Variants in WDHD1 observed in about 807,000 individuals in gnomAD.
WDHD1 encodes WD repeat and HMG-box DNA-binding protein 1.
WDHD1 carries 111 observed loss-of-function variants against 135.4 expected under a neutral mutation model. The ratio of observed to expected loss-of-function variants is 0.82; its 90% CI spans 0.70 to 0.96. The LOEUF is 0.96. WDHD1 is among the 40% of genes least tolerant of loss of function. The probability of loss-of-function intolerance (pLI) is 0.00; values close to 1 mark genes in which losing one functional copy is unlikely to be tolerated. For synonymous variants in WDHD1, 434 were observed against 439.0 expected (o/e 0.99, Z 0.14); for missense variants, 1,351 against 1,336.3 (o/e 1.01, Z -0.17).
chr14:54,951,514 C>T (rs947102201), intron 24 of WDHD1, among the ~76,000 whole-genome samples: 8 of 152,128 alleles, frequency 5.3e-5, no homozygotes, highest in African/African-American at 1.9e-4. Context: ...TAATAGCCTA[C>T]CAACCAAATA....
chr14:55,014,059 TATAAA>T (rs1238467209), intron 2 of WDHD1, among the ~76,000 whole-genome samples: 3 of 152,252 alleles, frequency 2.0e-5, no homozygotes, highest in African/African-American at 4.8e-5. Context: ...AATTTCCTTC[TATAAA>T]ATAAAAGATG....
Position 54,949,777 on chromosome 14 carries a change from A to G in WDHD1, c.3051-5307T>C, listed in dbSNP as rs553387872. Among the ~76,000 whole-genome samples, 434 of 152,388 alleles carry G rather than the reference A, an allele frequency of 2.8e-3. 1 individual carries two copies. The highest frequency in any genetic ancestry group is 9.7e-3 in the African/African-American group (402 of 41,594). Reference sequence around the variant, plus strand: ...GGTTACCCACAAAGGGAAGCCCATCAGACTAACAGCTGATCTCTCGGCAGA... The same window carrying G: ...GGTTACCCACAAAGGGAAGCCCATCGGACTAACAGCTGATCTCTCGGCAGA... On this transcript the variant is annotated intron_variant, in intron 24 of 25. Transcript: ENST00000360586.
chr14:55,024,663 G>A (rs1199751364), intron 2 of WDHD1, among the ~76,000 whole-genome samples: 1 of 150,286 alleles, frequency 6.7e-6, no homozygotes, highest in Non-Finnish European at 1.5e-5. Context: ...TTGAGATTCT[G>A]TTAATCTATA....
At chr14:54,987,505 C>G in intron 13 of WDHD1, 118 bp from the exon 14 acceptor site, 1 of 843,110 alleles carries the variant, frequency 1.2e-6, no homozygotes, top group Non-Finnish European at 1.7e-6. Context: ...CTATTATACA[C>G]TAGTATAAGA....
chr14:55,008,541 G>A, intron 5 of WDHD1, 67 bp downstream of exon 5: 1 of 1,492,238 alleles, frequency 6.7e-7, no homozygotes, highest in Non-Finnish European at 9.1e-7. Context: ...TTTTTAGAGA[G>A]TTAGTAGGAA....
At position 54,978,979 on chromosome 14, in the gene WDHD1, TTTC is replaced by T. The variant is rs1442142191; in HGVS notation, c.2063+2558_2063+2560del. Among the ~76,000 whole-genome samples the T allele has an allele frequency of 3.9e-5, 6 of 152,348 alleles. No homozygotes were observed. In the South Asian group the frequency reaches 1.2e-3, roughly 32 times the overall value. ...GGTGATCTAAAAGCTACTACTTTTT[TTTC>T]TTTTTTCATTCCTTTCATTGGCTCC... On this transcript the variant is annotated intron_variant, in intron 16 of 25. Coordinates refer to ENST00000360586, the MANE Select transcript of WDHD1 (RefSeq NM_007086.4).
intron 24 of WDHD1, 116 bp from the exon 25 acceptor site, chr14:54,944,586 A>C: frequency 1.0e-6 from 1 of 1,000,266 alleles, no homozygotes; most frequent in Non-Finnish European, 1.4e-6. Flanking sequence ...AAAGTAAGGA[A>C]GACACAGTTA....
At chr14:55,008,216 T>A in intron 6 of WDHD1, 100 bp downstream of exon 6, 3 of 1,194,426 alleles carry the variant, frequency 2.5e-6, no homozygotes, top group Non-Finnish European at 3.6e-6. Context: ...AGAAACAAAT[T>A]CCAAAGAAAA....
chr14:54,989,031 G>A lies in WDHD1; in HGVS notation c.1523C>T (p.Ala508Val), dbSNP rs1356906290. 1.2e-6 allele frequency: 2 copies of A among 1,607,352 alleles called. No homozygotes were observed. Among genetic ancestry groups the A allele is most frequent in the Non-Finnish European group, 1.7e-6 (2 of 1,175,978 alleles). ...LLACESTDEL[A>V]SKLHCLHFSS... ...TTCCTAATAATCTTGAGTTTACCTTGCTAGTTCATCAGTGCTTTCACATGC... is the reference window on the plus strand; with the variant it reads ...TTCCTAATAATCTTGAGTTTACCTTACTAGTTCATCAGTGCTTTCACATGC... The change falls in exon 13 of 26, where the codon GCA becomes GTA. Residue 508 changes from alanine (A) to valine (V), a missense_variant. Ala to Val is a moderately conservative substitution (Grantham distance 64). Around this residue, in one of 2 missense-constraint regions of WDHD1, gnomAD observed 1,330 missense variants for 1,296.1 expected, o/e 1.03. Transcript: ENST00000360586.
intron 24 of WDHD1, among the ~76,000 whole-genome samples, chr14:54,951,197 A>G (rs552729480): frequency 1.8e-3 from 279 of 152,104 alleles, no homozygotes; most frequent in Non-Finnish European, 2.9e-3. Context: ...CAAAAAATCA[A>G]TGAATCCAGG....
chr14:55,023,353 T>C (rs2042380164), intron 2 of WDHD1, among the ~76,000 whole-genome samples: 1 of 152,224 alleles, frequency 6.6e-6, no homozygotes, highest in Non-Finnish European at 1.5e-5. Context: ...AGTGCAAGGT[T>C]TTCATGCCTG....
intron 24 of WDHD1, among the ~76,000 whole-genome samples, chr14:54,952,120 T>C (rs2041067254): frequency 6.6e-6 from 1 of 152,140 alleles, no homozygotes; most frequent in East Asian, 1.9e-4. Context: ...CTGTTCAACA[T>C]AGTGTTGGAA....
intron 23 of WDHD1, 90 bp downstream of exon 23, chr14:54,956,944 C>A: frequency 6.9e-7 from 1 of 1,450,160 alleles, no homozygotes. Context: ...ACAATCAGAA[C>A]CTCCTATCCT....
chr14:54,944,714 G>A, intron 24 of WDHD1: 1 of 229,658 alleles, frequency 4.4e-6, no homozygotes, highest in Admixed American at 5.9e-5. Flanking sequence ...CCGCCTCCTG[G>A]GTTCAAGCGA....
chr14:54,989,891 T>C (rs1225482669), intron 12 of WDHD1, among the ~76,000 whole-genome samples: 1 of 152,262 alleles, frequency 6.6e-6, no homozygotes, highest in Admixed American at 6.5e-5. Flanking sequence ...CTCCAACTCC[T>C]ATCCTCAAGT....
At chr14:54,967,860 T>C (rs902886591) in intron 16 of WDHD1, among the ~76,000 whole-genome samples, 2 of 152,148 alleles carry the variant, frequency 1.3e-5, no homozygotes, top group African/African-American at 2.4e-5. Context: ...GGCTAAAGTG[T>C]GCCTCCCACC....
intron 10 of WDHD1, among the ~76,000 whole-genome samples, chr14:55,000,002 C>A (rs1293732538): frequency 1.3e-5 from 2 of 152,218 alleles, no homozygotes; most frequent in East Asian, 3.9e-4. Context: ...TCAGGAGGGA[C>A]AGCTATAAAT....
At chr14:55,025,836 C>T (rs571786995) in intron 2 of WDHD1, among the ~76,000 whole-genome samples, 83 of 152,326 alleles carry the variant, frequency 5.4e-4, no homozygotes, top group African/African-American at 2.0e-3. Flanking sequence ...ATTGCCTCTG[C>T]TTACTATGCC....
At position 54,994,917 on chromosome 14, in the gene WDHD1, CTA is replaced by C. The variant is rs377307937; in HGVS notation, c.1153+684_1153+685del. Among the ~76,000 whole-genome samples, 111 of 152,276 alleles carry C rather than the reference CTA, an allele frequency of 7.3e-4. No individual in the cohort carries two copies. The East Asian group carries it at 0.02, about 27-fold the overall frequency. The stretch of plus-strand genomic sequence containing the variant: ...TGATGGCCCACCTCTCTTTCATTCT[CTA>C]TGTTAGTAATTTGTGTCTTCTCTTT... On this transcript the variant is annotated intron_variant, in intron 11 of 25. Coordinates refer to ENST00000360586, the MANE Select transcript of WDHD1 (RefSeq NM_007086.4).
Sources: allele counts gnomAD v4.1 joint callset (sites outside exome capture counted in the v4.1 genomes callset), GRCh38; gene constraint gnomAD v4.1.1; regional missense constraint gnomAD v4.1.1; transcripts MANE v1.5; gene names NCBI Gene and HGNC (gene_info 2026-07-23, HGNC 2026-07-21).